TAFA4: variants seen among roughly 807,000 people sequenced by gnomAD.
TAFA4 encodes TAFA chemokine like family member 4.
TAFA4 carries 20 observed loss-of-function variants against 21.1 expected under a neutral mutation model. The observed-to-expected ratio is 0.95, with a 90% CI of 0.67 to 1.38. The LOEUF is 1.38. Ranked by LOEUF, TAFA4 falls within the 40% of genes most tolerant of loss-of-function variation. TAFA4 has a pLI of 0.00. For missense variants in TAFA4, 211 were observed against 180.9 expected (o/e 1.17, Z -0.95); for synonymous variants, 71 against 67.4 (o/e 1.05, Z -0.26).
intron 3 of TAFA4, among the ~76,000 whole-genome samples, chr3:68,784,445 C>A (rs1320730647): frequency 2.0e-5 from 3 of 151,940 alleles, no homozygotes; most frequent in African/African-American, 7.3e-5. Flanking sequence ...CTCGCTGGCT[C>A]AGGGGTAAAG....
At chr3:68,766,602 T>C (rs1702859747) in intron 3 of TAFA4, among the ~76,000 whole-genome samples, 1 of 149,238 alleles carries the variant, frequency 6.7e-6, no homozygotes, top group Non-Finnish European at 1.5e-5. Flanking sequence ...ATGAAAATTA[T>C]GAAAGCAAAC....
intron 3 of TAFA4, among the ~76,000 whole-genome samples, chr3:68,831,962 G>A (rs1458493678): frequency 1.3e-5 from 2 of 151,982 alleles, no homozygotes; most frequent in Non-Finnish European, 2.9e-5. Flanking sequence ...TCTTGTCCTT[G>A]ATCAAATTGG....
chr3:68,853,877 C>A (rs1015533032), intron 3 of TAFA4, among the ~76,000 whole-genome samples: 6 of 152,012 alleles, frequency 3.9e-5, no homozygotes, highest in Non-Finnish European at 7.4e-5. Flanking sequence ...TCAGAGCATA[C>A]AGAAATAAAC....
intron 1 of TAFA4, among the ~76,000 whole-genome samples, chr3:68,930,745 T>C (rs1265239461): frequency 1.3e-5 from 2 of 152,218 alleles, no homozygotes; most frequent in Admixed American, 6.5e-5. Context: ...ATTTCCCATC[T>C]AGAGGAAGTG....
intron 4 of TAFA4, among the ~76,000 whole-genome samples, chr3:68,744,321 G>C (rs551864578): frequency 2.0e-5 from 3 of 152,244 alleles, no homozygotes; most frequent in African/African-American, 7.2e-5. Context: ...AGATTAGGAG[G>C]GTGTCTGGGA....
At chr3:68,896,752 C>A (rs2089793599) in intron 1 of TAFA4, among the ~76,000 whole-genome samples, 1 of 152,190 alleles carries the variant, frequency 6.6e-6, no homozygotes, top group Non-Finnish European at 1.5e-5. Context: ...TAAATGGGGT[C>A]CTCTCACATC....
chr3:68,872,127 C>G (rs958022696), intron 3 of TAFA4, among the ~76,000 whole-genome samples: 15 of 151,982 alleles, frequency 9.9e-5, no homozygotes, highest in African/African-American at 3.1e-4. Flanking sequence ...ATATTTACAG[C>G]AGCCAAGATA....
At chr3:68,878,903 A>T (rs2089584065) in intron 3 of TAFA4, among the ~76,000 whole-genome samples, 1 of 152,168 alleles carries the variant, frequency 6.6e-6, no homozygotes, top group Admixed American at 6.6e-5. Flanking sequence ...CTAAAATTAC[A>T]TCTCTGATAC....
intron 1 of TAFA4, among the ~76,000 whole-genome samples, chr3:68,898,018 T>C (rs1411536344): frequency 6.6e-6 from 1 of 152,094 alleles, no homozygotes; most frequent in African/African-American, 2.4e-5. Flanking sequence ...TCAGGTTTGG[T>C]TTAAGGTAAA....
chr3:68,885,585 G>C (rs2089663961), intron 1 of TAFA4, among the ~76,000 whole-genome samples: 1 of 152,162 alleles, frequency 6.6e-6, no homozygotes, highest in Non-Finnish European at 1.5e-5. Context: ...AAATTTAACA[G>C]AGGGTCCCAA....
At chr3:68,808,680 C>T (rs1575617462) in intron 3 of TAFA4, among the ~76,000 whole-genome samples, 2 of 152,304 alleles carry the variant, frequency 1.3e-5, no homozygotes, top group South Asian at 4.2e-4. Flanking sequence ...AACACACACC[C>T]TTAGTGAGCA....
intron 3 of TAFA4, among the ~76,000 whole-genome samples, chr3:68,768,569 T>A (rs1702898595): frequency 6.6e-6 from 1 of 152,026 alleles, no homozygotes; most frequent in Non-Finnish European, 1.5e-5. Flanking sequence ...TAGAAGACTA[T>A]CTCATGTTCC....
intron 3 of TAFA4, among the ~76,000 whole-genome samples, chr3:68,792,942 T>G (rs1703390167): frequency 6.6e-6 from 1 of 152,144 alleles, no homozygotes; most frequent in African/African-American, 2.4e-5. Context: ...TACACAAAGG[T>G]AAAAAGCCTT....
At chr3:68,907,283 C>T (rs1401654404) in intron 1 of TAFA4, among the ~76,000 whole-genome samples, 2 of 152,136 alleles carry the variant, frequency 1.3e-5, no homozygotes, top group Non-Finnish European at 2.9e-5. Context: ...CAAAGATATG[C>T]ACCAACTGTC....
intron 1 of TAFA4, among the ~76,000 whole-genome samples, chr3:68,911,654 G>C (rs1323839203): frequency 6.6e-6 from 1 of 152,222 alleles, no homozygotes; most frequent in Non-Finnish European, 1.5e-5. Flanking sequence ...ATCAGGAAGG[G>C]AGACACAAAA....
At chr3:68,919,621 C>T (rs963628795) in intron 1 of TAFA4, among the ~76,000 whole-genome samples, 1 of 152,118 alleles carries the variant, frequency 6.6e-6, no homozygotes, top group Non-Finnish European at 1.5e-5. Context: ...CTTCTTGAGT[C>T]ACATTAACCA....
At chr3:68,844,721 T>C (rs961449206) in intron 3 of TAFA4, among the ~76,000 whole-genome samples, 8 of 152,210 alleles carry the variant, frequency 5.3e-5, no homozygotes, top group Admixed American at 2.6e-4. Flanking sequence ...TGTTGTGTCT[T>C]TGTTCCCATC....
chr3:68,739,338 T>C, intron 4 of TAFA4, 139 bp from the exon 5 acceptor site: 1 of 1,019,962 alleles, frequency 9.8e-7, no homozygotes, highest in Non-Finnish European at 1.4e-6. Flanking sequence ...AGGAATCCAA[T>C]CAGGCATATA....
At chr3:68,912,712 T>C (rs2089972243) in intron 1 of TAFA4, among the ~76,000 whole-genome samples, 1 of 152,218 alleles carries the variant, frequency 6.6e-6, no homozygotes, top group Non-Finnish European at 1.5e-5. Context: ...GGCTGTTCTT[T>C]TAAGCCCCAA....
Sources: allele counts gnomAD v4.1 joint callset (sites outside exome capture counted in the v4.1 genomes callset), GRCh38; gene constraint gnomAD v4.1.1; transcripts MANE v1.5; gene names NCBI Gene and HGNC (gene_info 2026-07-23, HGNC 2026-07-21).